The following PTPRM variants were observed in gnomAD, a reference collection of about 807,000 sequenced individuals.
PTPRM encodes the protein protein tyrosine phosphatase receptor type M.
A neutral mutation model predicts 186.7 loss-of-function variants in PTPRM; 47 were observed. That is an observed-to-expected ratio of 0.25 (90% CI 0.20 to 0.32). The LOEUF (loss-of-function observed/expected upper bound fraction) is 0.32, where lower values mean the gene tolerates loss of function less well. PTPRM is among the 10% of genes least tolerant of loss of function. The pLI is 1.00. For missense variants in PTPRM, 1,494 were observed against 1,865.0 expected (o/e 0.80, Z 3.66); for synonymous variants, 668 against 674.9 (o/e 0.99, Z 0.16).
intron 2 of PTPRM, among the ~76,000 whole-genome samples, chr18:7,827,915 C>G (rs1386909770): frequency 2.0e-5 from 3 of 152,166 alleles, no homozygotes; most frequent in Non-Finnish European, 2.9e-5. Flanking sequence ...GGCTATTTAC[C>G]AGACACTTCA....
In PTPRM at chr18:7,842,841, T is replaced by TAG. The variant is rs375833450; in HGVS notation, c.197-45249_197-45248dup. 6.8e-3 allele frequency among the ~76,000 whole-genome samples: 919 copies of TAG among 134,474 alleles called. 13 individuals carry two copies. The highest frequency in any genetic ancestry group is 0.024 in the African/African-American group (814 of 34,546). 88.2% of individuals were successfully genotyped at this position (134,474 alleles called of 152,430 possible). A position where few individuals can be genotyped will look rare whatever the true frequency, so the allele number is the denominator to read the frequency against. Reference sequence around the variant, plus strand: ...GTATATATATATGTATATATATATATAGAGAGAGAGAGAGAGAAACATATA... The same window carrying TAG: ...GTATATATATATGTATATATATATATAGAGAGAGAGAGAGAGAGAAACATATA... On this transcript the variant is annotated intron_variant, in intron 2 of 32. Coordinates refer to ENST00000580170, the MANE Select transcript of PTPRM (RefSeq NM_001105244.2).
chr18:7,708,155 G>T (rs2040134969), intron 1 of PTPRM, among the ~76,000 whole-genome samples: 1 of 152,106 alleles, frequency 6.6e-6, no homozygotes, highest in Admixed American at 6.5e-5. Flanking sequence ...TTAAACAGAG[G>T]TTCAAGTATA....
intron 31 of PTPRM, among the ~76,000 whole-genome samples, chr18:8,392,488 A>T (rs558473327): frequency 1.3e-5 from 2 of 151,978 alleles, no homozygotes; most frequent in Admixed American, 6.6e-5. Flanking sequence ...TTAGCCGGGC[A>T]TGGTGGCAGG....
chr18:8,144,867 T>G (rs910586757), intron 14 of PTPRM, among the ~76,000 whole-genome samples: 1 of 152,206 alleles, frequency 6.6e-6, no homozygotes, highest in Non-Finnish European at 1.5e-5. Context: ...TTTTCTCTAT[T>G]GTTTCGAAAC....
rs376384480 is a variant in PTPRM at position 7,662,636 on chromosome 18, C to T, written c.73+94745C>T. Among the ~76,000 whole-genome samples, 16 of 151,852 alleles carry T rather than the reference C, an allele frequency of 1.1e-4. No individual in the cohort carries two copies. The East Asian group carries it at 1.9e-3, about 18-fold the overall frequency. The stretch of plus-strand genomic sequence containing the variant: ...AAAAAATAGAAAGAATGAATAAGAT[C>T]TAGTATTTGATAACACAACAGTGTG... On this transcript the variant is annotated intron_variant, in intron 1 of 32. Coordinates refer to ENST00000580170, the MANE Select transcript of PTPRM (RefSeq NM_001105244.2).
intron 2 of PTPRM, among the ~76,000 whole-genome samples, chr18:7,830,646 T>G (rs2045713056): frequency 6.6e-6 from 1 of 152,078 alleles, no homozygotes; most frequent in African/African-American, 2.4e-5. Context: ...ACATATGTCA[T>G]AGTTGCTAGG....
At chr18:7,613,044 A>G (rs1202843631) in intron 1 of PTPRM, among the ~76,000 whole-genome samples, 5 of 152,152 alleles carry the variant, frequency 3.3e-5, no homozygotes, top group Admixed American at 3.3e-4. Flanking sequence ...CCAGCGTCCC[A>G]TCTGTGATTC....
chr18:7,641,707 T>C (rs1269216897), intron 1 of PTPRM, among the ~76,000 whole-genome samples: 1 of 152,230 alleles, frequency 6.6e-6, no homozygotes, highest in Non-Finnish European at 1.5e-5. Context: ...AATGGAAGAC[T>C]TTCATCTATA....
chr18:7,845,257 A>G (rs1028544021), intron 2 of PTPRM, among the ~76,000 whole-genome samples: 1 of 152,224 alleles, frequency 6.6e-6, no homozygotes, highest in African/African-American at 2.4e-5. Context: ...CTGAACAAGA[A>G]TGAGAATATG....
intron 19 of PTPRM, among the ~76,000 whole-genome samples, chr18:8,276,807 G>A (rs888909559): frequency 6.6e-6 from 1 of 152,206 alleles, no homozygotes; most frequent in African/African-American, 2.4e-5. Context: ...CTTTGGGTCT[G>A]TGAGACCTGA....
chr18:8,169,367 A>C (rs2093366092), intron 14 of PTPRM, among the ~76,000 whole-genome samples: 1 of 152,000 alleles, frequency 6.6e-6, no homozygotes, highest in African/African-American at 2.4e-5. Context: ...AATGCTTATC[A>C]AATTAGTAAG....
chr18:8,159,775 A>C (rs1317384075), intron 14 of PTPRM, among the ~76,000 whole-genome samples: 1 of 152,232 alleles, frequency 6.6e-6, no homozygotes, highest in East Asian at 1.9e-4. Context: ...CATAGAAGAC[A>C]TGGAGTATAC....
At chr18:8,241,174 A>G (rs905191614) in intron 14 of PTPRM, among the ~76,000 whole-genome samples, 1 of 152,086 alleles carries the variant, frequency 6.6e-6, no homozygotes, top group Non-Finnish European at 1.5e-5. Flanking sequence ...CTAAAAATAC[A>G]AAAATACAAA....
At position 7,624,757 on chromosome 18, in the gene PTPRM, G is replaced by A. The variant is rs552031486; in HGVS notation, c.73+56866G>A. On this transcript the variant is annotated intron_variant, in intron 1 of 32. Coordinates refer to ENST00000580170, the MANE Select transcript of PTPRM (RefSeq NM_001105244.2). ...CTACCAAAGTGCTGGGATTACAGGC[G>A]TGAGCTACCGCACTCGCCATCAGAT... Among the ~76,000 whole-genome samples, 4 of 152,300 alleles carry A rather than the reference G, an allele frequency of 2.6e-5. No homozygotes were observed. The East Asian group carries it at 5.8e-4, about 22-fold the overall frequency.
chr18:7,578,471 G>A (rs1047784164), intron 1 of PTPRM, among the ~76,000 whole-genome samples: 2 of 151,796 alleles, frequency 1.3e-5, no homozygotes, highest in African/African-American at 2.4e-5. Flanking sequence ...GAGTAGCTGG[G>A]GCTATAGGCG....
chr18:7,919,872 C>G (rs536299991), intron 4 of PTPRM, among the ~76,000 whole-genome samples: 3 of 152,214 alleles, frequency 2.0e-5, no homozygotes, highest in African/African-American at 7.2e-5. Context: ...CTTGGGAGCT[C>G]TGGTGTTGGG....
At chr18:8,339,011 G>A (rs1219510708) in intron 22 of PTPRM, among the ~76,000 whole-genome samples, 1 of 152,054 alleles carries the variant, frequency 6.6e-6, no homozygotes, top group African/African-American at 2.4e-5. Flanking sequence ...GGTGAAGTGT[G>A]GGCTTCTAGG....
At chr18:7,658,361 C>A (rs201127131) in intron 1 of PTPRM, among the ~76,000 whole-genome samples, 1 of 116,464 alleles carries the variant, frequency 8.6e-6, no homozygotes, top group African/African-American at 3.5e-5. Context: ...TATATATATA[C>A]ATACACACAC....
At position 7,908,784 on chromosome 18, in the gene PTPRM, A is replaced by G. The variant is rs545300678; in HGVS notation, c.547+2201A>G. On this transcript the variant is annotated intron_variant, in intron 4 of 32. Transcript: ENST00000580170. ...CAAGGCTGTACCTAATTGAAACAGC[A>G]GGGTAAATTTAGGAAGCAGAATGCA... Among the ~76,000 whole-genome samples, 87 of 152,346 alleles carry G rather than the reference A, an allele frequency of 5.7e-4. No homozygotes were observed. In the South Asian group the frequency reaches 0.017, roughly 30 times the overall value.
Sources: allele counts gnomAD v4.1 joint callset (sites outside exome capture counted in the v4.1 genomes callset), GRCh38; gene constraint gnomAD v4.1.1; transcripts MANE v1.5; gene names NCBI Gene and HGNC (gene_info 2026-07-23, HGNC 2026-07-21).